The following DSCAML1 variants were observed in gnomAD, a reference collection of about 807,000 sequenced individuals.
DSCAML1 encodes the protein DS cell adhesion molecule like 1, also known as cell adhesion molecule DSCAML1.
In DSCAML1, 38 loss-of-function variants were observed where a neutral mutation model predicts 200.5. That is an observed-to-expected ratio of 0.19 (90% CI 0.15 to 0.25). The LOEUF is 0.25. Ranked by LOEUF, DSCAML1 falls within the 10% of genes least tolerant of loss-of-function variation. DSCAML1 has a pLI of 1.00. For missense variants in DSCAML1, 2,223 were observed against 2,858.8 expected, an observed-to-expected ratio of 0.78 and a Z score of 5.07; for synonymous variants, 1,215 against 1,165.0, an observed-to-expected ratio of 1.04 and a Z score of -0.87.
intron 3 of DSCAML1, among the ~76,000 whole-genome samples, chr11:117,561,923 C>T (rs1565790316): frequency 6.6e-6 from 1 of 152,234 alleles, no homozygotes. Context: ...CAATAGTCAA[C>T]TGGTAGATGT....
Position 117,458,888 on chromosome 11 carries a change from A to G in DSCAML1, c.3434T>C (p.Ile1145Thr), listed in dbSNP as rs2048424934. The G allele has an allele frequency of 6.2e-7, 1 of 1,613,806 alleles. No homozygotes were observed. The highest frequency in any genetic ancestry group is 8.5e-7 in the Non-Finnish European group (1 of 1,179,970). ...VDGEWGEMQN[I>T]TTTRERVELR... is the part of the protein sequence containing the mutation. ...CTCCACCCGCTCCCGCGTGGTGGTG[A>G]TGTTCTGCATCTCGCCCCACTCTGC... Residue 1145 changes from isoleucine (I) to threonine (T), a missense_variant, in exon 19 of 33, where the codon ATC becomes ACC. Transcript: ENST00000651296.
intron 1 of DSCAML1, among the ~76,000 whole-genome samples, chr11:117,796,453 A>C (rs1269503623): frequency 6.6e-6 from 1 of 152,188 alleles, no homozygotes; most frequent in African/African-American, 2.4e-5. Flanking sequence ...CAAACTTGCT[A>C]TCCGAGGGAC....
intron 3 of DSCAML1, among the ~76,000 whole-genome samples, chr11:117,675,675 G>A (rs932791772): frequency 4.0e-5 from 6 of 151,778 alleles, no homozygotes; most frequent in Non-Finnish European, 8.8e-5. Flanking sequence ...CTGCGTGGTT[G>A]GTTTTCTAAG....
chr11:117,650,657 G>A (rs1445129912), intron 3 of DSCAML1, among the ~76,000 whole-genome samples: 1 of 147,206 alleles, frequency 6.8e-6, no homozygotes, highest in East Asian at 2.0e-4. Flanking sequence ...TTTAAAGTGT[G>A]TGTGTCTATC....
intron 8 of DSCAML1, among the ~76,000 whole-genome samples, chr11:117,514,231 T>C (rs2049708753): frequency 6.6e-6 from 1 of 152,182 alleles, no homozygotes; most frequent in African/African-American, 2.4e-5. Context: ...GTCAACGCTA[T>C]TCCTCCCTCT....
At position 117,474,372 on chromosome 11, in the gene DSCAML1, C is replaced by T. The variant is rs115622999; in HGVS notation, c.2786-2336G>A. 2.9e-3 allele frequency among the ~76,000 whole-genome samples: 448 copies of T among 152,290 alleles called. 1 individual carries two copies. Among genetic ancestry groups the T allele is most frequent in the African/African-American group, 0.01 (429 of 41,554 alleles). On this transcript the variant is annotated intron_variant, in intron 14 of 32. Coordinates refer to ENST00000651296, the MANE Select transcript of DSCAML1 (RefSeq NM_020693.4). ...TCTCTCTGTCTCTGTGCAGGTGCATCCCCCTCTACCCTACCAGGAATGGTT... is the reference window on the plus strand; with the variant it reads ...TCTCTCTGTCTCTGTGCAGGTGCATTCCCCTCTACCCTACCAGGAATGGTT...
chr11:117,751,557 GAGA>G (rs1484167714), intron 3 of DSCAML1, among the ~76,000 whole-genome samples: 1 of 152,106 alleles, frequency 6.6e-6, no homozygotes, highest in Non-Finnish European at 1.5e-5. Flanking sequence ...AGACAGGCAA[GAGA>G]AGAAGGCACC....
chr11:117,648,044 A>G (rs2052552536), intron 3 of DSCAML1, among the ~76,000 whole-genome samples: 1 of 152,210 alleles, frequency 6.6e-6, no homozygotes, highest in Non-Finnish European at 1.5e-5. Flanking sequence ...CGTGCCAGTC[A>G]GCCCTGCATG....
intron 3 of DSCAML1, among the ~76,000 whole-genome samples, chr11:117,570,831 C>G (rs1246821603): frequency 6.6e-6 from 1 of 152,216 alleles, no homozygotes; most frequent in Non-Finnish European, 1.5e-5. Flanking sequence ...AGCTAAGACA[C>G]TAAGAAGACA....
At chr11:117,707,447 C>G (rs550261741) in intron 3 of DSCAML1, among the ~76,000 whole-genome samples, 1 of 152,196 alleles carries the variant, frequency 6.6e-6, no homozygotes, top group African/African-American at 2.4e-5. Flanking sequence ...TGAACATCTC[C>G]CAGGTCAGCC....
chr11:117,564,056 C>T (rs561116941), intron 3 of DSCAML1, among the ~76,000 whole-genome samples: 5 of 152,278 alleles, frequency 3.3e-5, no homozygotes, highest in South Asian at 2.1e-4. Flanking sequence ...TGGAGTTCAC[C>T]GAGGTGGAGG....
Position 117,480,377 on chromosome 11 carries a change from A to G in DSCAML1, c.2785+66T>C, listed in dbSNP as rs2048887433. 6 of 1,597,686 alleles carry G rather than the reference A, an allele frequency of 3.8e-6. No individual in the cohort carries two copies. The highest frequency in any genetic ancestry group is 4.3e-6 in the Non-Finnish European group (5 of 1,171,446). ...CAGGGGCTCTCCTCCCAGAGGGCAC[A>G]GGCAGGACACGTGGCACAAGGGGCC... On this transcript the variant is annotated intron_variant, in intron 14 of 32. Coordinates refer to ENST00000651296, the MANE Select transcript of DSCAML1 (RefSeq NM_020693.4). The surrounding 1 kb of genome is among the most constrained non-coding windows in gnomAD (Gnocchi z 4.1).
chr11:117,682,740 G>A (rs1302141985), intron 3 of DSCAML1, among the ~76,000 whole-genome samples: 1 of 152,118 alleles, frequency 6.6e-6, no homozygotes, highest in African/African-American at 2.4e-5. Context: ...TATGTTCCAT[G>A]TCCCCAAGTC....
chr11:117,746,802 C>T (rs2137856404), intron 3 of DSCAML1, among the ~76,000 whole-genome samples: 1 of 152,282 alleles, frequency 6.6e-6, no homozygotes, highest in Admixed American at 6.5e-5. Flanking sequence ...GCTCTCCAGT[C>T]CCACTCTTCG....
intron 3 of DSCAML1, among the ~76,000 whole-genome samples, chr11:117,743,128 C>G (rs928253235): frequency 2.0e-5 from 3 of 152,210 alleles, no homozygotes; most frequent in African/African-American, 7.2e-5. Context: ...ATAAGACATG[C>G]TTTCTTGCCC....
intron 3 of DSCAML1, among the ~76,000 whole-genome samples, chr11:117,632,039 C>G (rs920122461): frequency 6.6e-6 from 1 of 152,226 alleles, no homozygotes; most frequent in African/African-American, 2.4e-5. Context: ...AGCCCTCTCC[C>G]CAGTGGCCAT....
intron 11 of DSCAML1, among the ~76,000 whole-genome samples, chr11:117,502,539 C>G (rs373010219): frequency 6.6e-6 from 1 of 152,162 alleles, no homozygotes; most frequent in African/African-American, 2.4e-5. Context: ...CGGCTCGGAG[C>G]TCCCTGAGCA....
At position 117,435,654 on chromosome 11, in the gene DSCAML1, C is replaced by T. The variant is rs1333494611; in HGVS notation, c.4866G>A (p.Lys1622=). The change falls in exon 27 of 33, where the codon AAG becomes AAA. Residue 1622 remains lysine, a synonymous_variant. Coordinates refer to ENST00000651296, the MANE Select transcript of DSCAML1 (RefSeq NM_020693.4). Reference sequence around the variant, plus strand: ...AGGAAGCTCCCCCACCTCGGAGTCGCTTCAGCCGTTTCTCCTTCCTCTTCT... The same window carrying T: ...AGGAAGCTCCCCCACCTCGGAGTCGTTTCAGCCGTTTCTCCTTCCTCTTCT... ...VRKKRKEKRL[K]RLRDAKSLAE... The T allele has an allele frequency of 1.3e-6, 2 of 1,599,016 alleles. No homozygotes were observed. The highest frequency in any genetic ancestry group is 3.4e-5 in the Admixed American group (2 of 59,696).
At chr11:117,494,478 A>T (rs2049252735) in intron 11 of DSCAML1, among the ~76,000 whole-genome samples, 1 of 152,210 alleles carries the variant, frequency 6.6e-6, no homozygotes, top group African/African-American at 2.4e-5. Flanking sequence ...ACTATTTTGC[A>T]TTCAGATAGC....
Sources: gnomAD v4.1 joint callset for allele counts (sites outside exome capture counted in the v4.1 genomes callset) on GRCh38, gnomAD v4.1.1 for gene constraint, Gnocchi (gnomAD v3.1) non-coding constraint, MANE v1.5 for transcripts, NCBI Gene and HGNC (gene_info 2026-07-23, HGNC 2026-07-21) for gene names.